ST18: variants seen among roughly 807,000 people sequenced by gnomAD.
ST18 encodes suppression of tumorigenicity 18 protein.
Under a neutral mutation model 110.0 loss-of-function variants are expected in ST18, and 50 were observed. The observed-to-expected ratio is 0.45, with a 90% CI of 0.36 to 0.58. ST18 has a LOEUF of 0.58. Among genes scored for constraint, ST18 ranks in the 20% least tolerant of loss-of-function variants. The probability of loss-of-function intolerance (pLI) is 0.00; values close to 1 mark genes in which losing one functional copy is unlikely to be tolerated. For missense variants in ST18, 1,306 were observed against 1,280.1 expected, an observed-to-expected ratio of 1.02 and a Z score of -0.31; for synonymous variants, 461 against 452.4, an observed-to-expected ratio of 1.02 and a Z score of -0.24.
chr8:52,116,347 A>G lies in ST18; in HGVS notation c.2931T>C (p.Ser977=), dbSNP rs2042537908. 6.2e-7 allele frequency: 1 copy of G among 1,613,966 alleles called. No individual in the cohort carries two copies. The highest frequency in any genetic ancestry group is 1.3e-5 in the African/African-American group (1 of 75,014). The change falls in exon 25 of 26, where the codon AGT becomes AGC. Residue 977 remains serine (S), a synonymous_variant. Coordinates refer to ENST00000689386, the MANE Select transcript of ST18 (RefSeq NM_001352837.2). The stretch of plus-strand genomic sequence containing the variant: ...TTAGACCTGCCAGCTCTTTCAGCAG[A>G]CTTTCATTGTTCTGTTCTATGAGTT... ...ENKLIEQNNE[S]LLKELAGLSQ...
At position 52,232,294 on chromosome 8, in the gene ST18, G is replaced by A. The variant is rs1317800647; in HGVS notation, c.-464-2217C>T. ...AGATGAAGCCATTCGTGTCAAGAAA[G>A]AAACAGCAATTATGTACTTCTTCAT... On this transcript the variant is annotated intron_variant, in intron 2 of 25. Transcript: ENST00000689386. Among the ~76,000 whole-genome samples, 3 of 152,110 alleles carry A rather than the reference G, an allele frequency of 2.0e-5. No individual in the cohort carries two copies. The South Asian group carries it at 6.2e-4, about 32-fold the overall frequency.
intron 22 of ST18, among the ~76,000 whole-genome samples, chr8:52,130,471 A>C (rs1159933736): frequency 6.6e-6 from 1 of 151,946 alleles, no homozygotes; most frequent in Non-Finnish European, 1.5e-5. Context: ...TTATTTACCC[A>C]CTCCACTGTT....
intron 2 of ST18, among the ~76,000 whole-genome samples, chr8:52,278,061 T>G (rs758699974): frequency 3.9e-5 from 6 of 152,324 alleles, no homozygotes; most frequent in Non-Finnish European, 8.8e-5. Flanking sequence ...TAGACAGAAC[T>G]TCCTAGCTGA....
At chr8:52,270,992 A>G (rs565086838) in intron 2 of ST18, among the ~76,000 whole-genome samples, 96 of 150,992 alleles carry the variant, frequency 6.4e-4, no homozygotes, top group Middle Eastern at 3.4e-3. Context: ...TCCACCTCCC[A>G]GGTTCACGCC....
chr8:52,178,996 TA>T (rs1289608313), intron 9 of ST18, among the ~76,000 whole-genome samples: 1 of 152,210 alleles, frequency 6.6e-6, no homozygotes, highest in African/African-American at 2.4e-5. Flanking sequence ...CTACATGCCA[TA>T]AAAATTTATT....
chr8:52,370,001 C>G (rs1247651543), intron 2 of ST18, among the ~76,000 whole-genome samples: 1 of 152,216 alleles, frequency 6.6e-6, no homozygotes, highest in African/African-American at 2.4e-5. Context: ...ATGCAGGTTT[C>G]AGATGCCATT....
chr8:52,254,622 G>A (rs1292097758), intron 2 of ST18, among the ~76,000 whole-genome samples: 1 of 152,178 alleles, frequency 6.6e-6, no homozygotes, highest in Non-Finnish European at 1.5e-5. Flanking sequence ...GGCCAGGGAT[G>A]ATAACAATGG....
chr8:52,209,759 A>G (rs1197306720), intron 8 of ST18, among the ~76,000 whole-genome samples: 1 of 131,580 alleles, frequency 7.6e-6, no homozygotes, highest in Non-Finnish European at 1.6e-5. Context: ...AACAAGAGCG[A>G]AACTCCATCT....
chr8:52,404,088 G>T (rs1008801182), intron 2 of ST18: 1 of 152,106 alleles, frequency 6.6e-6, no homozygotes, highest in African/African-American at 2.4e-5. Flanking sequence ...ATCTATTGCC[G>T]CCTTGCCATG....
At chr8:52,167,165 T>G (rs764579361) in intron 10 of ST18, among the ~76,000 whole-genome samples, 179 bp from the exon 11 acceptor site, 1 of 152,236 alleles carries the variant, frequency 6.6e-6, no homozygotes, top group South Asian at 2.1e-4. Context: ...AAACATGTTT[T>G]CAATTTTCTT....
intron 2 of ST18, among the ~76,000 whole-genome samples, chr8:52,392,216 G>A (rs1398751931): frequency 2.0e-5 from 3 of 152,156 alleles, no homozygotes; most frequent in Non-Finnish European, 4.4e-5. Context: ...CATGAACTTA[G>A]CACAGTTTCC....
chr8:52,365,792 A>G (rs1827671354), intron 2 of ST18, among the ~76,000 whole-genome samples: 1 of 152,024 alleles, frequency 6.6e-6, no homozygotes, highest in African/African-American at 2.4e-5. Context: ...TCGACCTCAC[A>G]GGCTCAAGCA....
intron 2 of ST18, among the ~76,000 whole-genome samples, chr8:52,261,146 G>A (rs1404889857): frequency 6.6e-6 from 1 of 152,118 alleles, no homozygotes; most frequent in Non-Finnish European, 1.5e-5. Flanking sequence ...GGCTAAAGAG[G>A]GAAGAGAAAG....
intron 2 of ST18, among the ~76,000 whole-genome samples, chr8:52,317,435 C>T (rs112915866): frequency 1.2e-4 from 18 of 152,326 alleles, no homozygotes; most frequent in Middle Eastern, 3.4e-3. Flanking sequence ...CTAGAGCCTT[C>T]GGAGGGAGCA....
At chr8:52,403,038 G>A (rs1843282116) in intron 2 of ST18, among the ~76,000 whole-genome samples, 1 of 152,160 alleles carries the variant, frequency 6.6e-6, no homozygotes, top group Non-Finnish European at 1.5e-5. Flanking sequence ...CATTGGGCTG[G>A]TTCAGGCACT....
chr8:52,116,488 G>T, intron 24 of ST18, 70 bp from the exon 25 acceptor site: 1 of 1,493,902 alleles, frequency 6.7e-7, no homozygotes, highest in Non-Finnish European at 9.1e-7. Context: ...TCTCCCTGAA[G>T]GAAAATGCAC....
In ST18 at chr8:52,149,730, A is replaced by C; in HGVS notation, c.2052+2T>G. 6.2e-7 allele frequency: 1 copy of C among 1,613,062 alleles called. No individual in the cohort carries two copies. The highest frequency in any genetic ancestry group is 8.5e-7 in the Non-Finnish European group (1 of 1,179,396). ...TTATTGATTGACATATGGAAACAAT[A>C]CCTCTTTCTCCTCCTCTGTCTTCCC... is the stretch of plus-strand genomic sequence containing the variant. On this transcript the variant is annotated splice_donor_variant, in intron 16 of 25. Coordinates refer to ENST00000689386, the MANE Select transcript of ST18 (RefSeq NM_001352837.2). LOFTEE classifies it high-confidence loss of function.
In ST18 at chr8:52,258,276, A is replaced by T. The variant is rs139820950; in HGVS notation, c.-464-28199T>A. Reference sequence around the variant, plus strand: ...ACTATTATGGGTCCAGTGAATTTCTATATAAAACTTAGGATCAACTTGTCA... The same window carrying T: ...ACTATTATGGGTCCAGTGAATTTCTTTATAAAACTTAGGATCAACTTGTCA... On this transcript the variant is annotated intron_variant, in intron 2 of 25. Transcript: ENST00000689386. 3.4e-3 allele frequency among the ~76,000 whole-genome samples: 522 copies of T among 152,248 alleles called. 3 individuals are homozygous for T. Among genetic ancestry groups the T allele is most frequent in the Non-Finnish European group, 3.3e-3 (224 of 68,014 alleles).
At chr8:52,366,888 G>T (rs1828183137) in intron 2 of ST18, among the ~76,000 whole-genome samples, 1 of 152,050 alleles carries the variant, frequency 6.6e-6, no homozygotes, top group African/African-American at 2.4e-5. Flanking sequence ...AGAAAATAGC[G>T]GGCCACAGTA....
Sources: allele counts gnomAD v4.1 joint callset (sites outside exome capture counted in the v4.1 genomes callset), GRCh38; gene constraint gnomAD v4.1.1; transcripts MANE v1.5; gene names NCBI Gene and HGNC (gene_info 2026-07-23, HGNC 2026-07-21).